The following CATSPERT variants were observed in gnomAD, a reference collection of about 807,000 sequenced individuals.
The protein encoded by CATSPERT is catsper channel auxiliary subunit tau, also known as cation channel sperm-associated targeting subunit tau.
the CATSPERT span, among the ~76,000 whole-genome samples, chr2:201,504,511 C>T: frequency 6.6e-6 from 1 of 152,200 alleles, no homozygotes; most frequent in African/African-American, 2.4e-5. Context: ...TGCTTTCGCA[C>T]CACTTCCTTT....
the CATSPERT span, among the ~76,000 whole-genome samples, chr2:201,503,853 T>C: frequency 6.6e-6 from 1 of 152,226 alleles, no homozygotes; most frequent in Admixed American, 6.5e-5. Flanking sequence ...ATTTATTGCA[T>C]AGAAGGTTGT....
chr2:201,595,183 T>C, the CATSPERT span, among the ~76,000 whole-genome samples: 1 of 128,558 alleles, frequency 7.8e-6, no homozygotes, highest in African/African-American at 2.7e-5. Context: ...TGTTTGTTAG[T>C]TTTCCTTCTT....
chr2:201,495,873 G>A, the CATSPERT span: 2 of 1,462,532 alleles, frequency 1.4e-6, no homozygotes, highest in African/African-American at 1.4e-5. Flanking sequence ...ATGATACTGG[G>A]ATAGAATAAT....
the CATSPERT span, among the ~76,000 whole-genome samples, chr2:201,546,649 G>T: frequency 1.3e-5 from 2 of 152,110 alleles, no homozygotes; most frequent in African/African-American, 2.4e-5. Flanking sequence ...GGTAGATGAA[G>T]ATGTTGATCT....
At chr2:201,519,977 T>C in the CATSPERT span, among the ~76,000 whole-genome samples, 1 of 152,068 alleles carries the variant, frequency 6.6e-6, no homozygotes, top group African/African-American at 2.4e-5. Context: ...GAGAAAAAGA[T>C]ATTCCACACA....
At chr2:201,547,636 G>T in the CATSPERT span, 8 of 1,259,576 alleles carry the variant, frequency 6.4e-6, no homozygotes, top group Non-Finnish European at 8.8e-6. Context: ...AGTTATGAAT[G>T]AAAAAAGCAA....
chr2:201,567,473 G>T, the CATSPERT span, among the ~76,000 whole-genome samples: 3 of 152,186 alleles, frequency 2.0e-5, no homozygotes, highest in Non-Finnish European at 2.9e-5. Flanking sequence ...TAATCAGCAA[G>T]CTGGAGACCC....
the CATSPERT span, among the ~76,000 whole-genome samples, chr2:201,588,050 T>C: frequency 6.6e-6 from 1 of 152,216 alleles, no homozygotes; most frequent in Non-Finnish European, 1.5e-5. Context: ...AATTCATAGC[T>C]GAATTCTACC....
At chr2:201,617,106 T>A in the CATSPERT span, among the ~76,000 whole-genome samples, 3 of 152,272 alleles carry the variant, frequency 2.0e-5, no homozygotes, top group African/African-American at 7.2e-5. Flanking sequence ...ATAGGAAGAC[T>A]CAATATTGTG....
chr2:201,597,520 C>T, the CATSPERT span, among the ~76,000 whole-genome samples: 2 of 152,062 alleles, frequency 1.3e-5, no homozygotes, highest in Non-Finnish European at 2.9e-5. Flanking sequence ...GCGTCTGCTT[C>T]CTCCACGCAC....
the CATSPERT span, among the ~76,000 whole-genome samples, chr2:201,500,577 G>A: frequency 1.3e-5 from 2 of 152,142 alleles, no homozygotes; most frequent in African/African-American, 4.8e-5. Flanking sequence ...TGATAAGTAT[G>A]TAACTGAACT....
chr2:201,570,009 C>G, the CATSPERT span, among the ~76,000 whole-genome samples: 1 of 152,024 alleles, frequency 6.6e-6, no homozygotes, highest in Non-Finnish European at 1.5e-5. Context: ...TGGCAAAACC[C>G]TGTCTCTACA....
At chr2:201,612,931 G>A in the CATSPERT span, among the ~76,000 whole-genome samples, 4 of 152,282 alleles carry the variant, frequency 2.6e-5, no homozygotes, top group South Asian at 2.1e-4. Flanking sequence ...AAGGTCCCAC[G>A]CCCACGGAGC....
the CATSPERT span, chr2:201,492,893 AT>A: frequency 1.3e-6 from 2 of 1,536,554 alleles, no homozygotes; most frequent in African/African-American, 1.4e-5. Context: ...CTTAATTCAG[AT>A]TTTAAATGTT....
At chr2:201,541,466 A>G in the CATSPERT span, among the ~76,000 whole-genome samples, 1 of 149,272 alleles carries the variant, frequency 6.7e-6, no homozygotes, top group Admixed American at 6.7e-5. Flanking sequence ...AGTCCCAGCC[A>G]TTAAGATCAA....
chr2:201,493,948 T>G, the CATSPERT span: 1 of 1,537,160 alleles, frequency 6.5e-7, no homozygotes. Context: ...AGGAATATTT[T>G]TAATTATCTG....
chr2:201,581,617 T>A, the CATSPERT span, among the ~76,000 whole-genome samples: 204 of 128,436 alleles, frequency 1.6e-3, 4 homozygotes, highest in African/African-American at 5.9e-3. Context: ...CTGGAAAATA[T>A]TTTTTTTCCA....
At chr2:201,556,424 G>T in the CATSPERT span, among the ~76,000 whole-genome samples, 1 of 151,944 alleles carries the variant, frequency 6.6e-6, no homozygotes, top group Admixed American at 6.6e-5. Flanking sequence ...CAGAAGAATG[G>T]CGTGAACCCG....
chr2:201,582,647 A>C, the CATSPERT span, among the ~76,000 whole-genome samples: 2 of 152,190 alleles, frequency 1.3e-5, no homozygotes, highest in Non-Finnish European at 2.9e-5. Flanking sequence ...CAACACTAAA[A>C]AATATCTAAT....
Sources: gnomAD v4.1 joint callset for allele counts (sites outside exome capture counted in the v4.1 genomes callset) on GRCh38, gnomAD v4.1.1 for gene constraint, MANE v1.5 for transcripts, NCBI Gene and HGNC (gene_info 2026-07-23, HGNC 2026-07-21) for gene names.